Variants in MCFD2 observed in about 807,000 individuals in gnomAD.
MCFD2 encodes multiple coagulation factor deficiency 2, ER cargo receptor complex subunit, also known as multiple coagulation factor deficiency protein 2.
A neutral mutation model predicts 12.8 loss-of-function variants in MCFD2; 11 were observed. That is an observed-to-expected ratio of 0.86 (90% CI 0.54 to 1.42). The LOEUF (loss-of-function observed/expected upper bound fraction) is 1.42. MCFD2 is among the 40% of genes most tolerant of loss of function. The probability of loss-of-function intolerance (pLI) is 0.00; values close to 1 mark genes in which losing one functional copy is unlikely to be tolerated. For missense variants in MCFD2, 191 were observed against 178.6 expected, an observed-to-expected ratio of 1.07 and a Z score of -0.40; for synonymous variants, 70 against 68.1, an observed-to-expected ratio of 1.03 and a Z score of -0.14.
At chr2:46,915,900 C>A (rs1161504195), upstream of MCFD2, 2 of 984,520 alleles carry the variant, frequency 2.0e-6, no homozygotes, top group African/African-American at 1.7e-5. Context: ...CTGGCGGCGG[C>A]GGGCTGTGAG....
At chr2:46,933,428 C>G (rs1669814291) in intron 1 of MCFD2, among the ~76,000 whole-genome samples, 1 of 152,198 alleles carries the variant, frequency 6.6e-6, no homozygotes, top group African/African-American at 2.4e-5. Context: ...ACAAAGAATT[C>G]ATGATTCTGA....
chr2:46,927,921 TCTCA>T (rs1367822517), intron 1 of MCFD2, among the ~76,000 whole-genome samples: 1 of 110,932 alleles, frequency 9.0e-6, no homozygotes, highest in Non-Finnish European at 1.7e-5. Flanking sequence ...TGAGACAGGG[TCTCA>T]CTCTGTCACC....
At chr2:46,906,697 A>AGGTT in intron 3 of MCFD2, among the ~76,000 whole-genome samples, 1 of 151,908 alleles carries the variant, frequency 6.6e-6, no homozygotes, top group South Asian at 2.1e-4. Flanking sequence ...CATGCTGCCC[A>AGGTT]GGTTGGTCTT....
At chr2:46,936,854 T>G (rs2103861536) in intron 1 of MCFD2, among the ~76,000 whole-genome samples, 1 of 149,204 alleles carries the variant, frequency 6.7e-6, no homozygotes, top group South Asian at 2.1e-4. Context: ...GAAACAGGAT[T>G]CCAAATTTTT....
chr2:46,913,019 G>T (rs1415272221), intron 1 of MCFD2, among the ~76,000 whole-genome samples: 1 of 152,122 alleles, frequency 6.6e-6, no homozygotes, highest in African/African-American at 2.4e-5. Flanking sequence ...GTGTGTGTTG[G>T]GGGTGGGGGA....
chr2:46,911,682 G>A (rs981458870), intron 1 of MCFD2, among the ~76,000 whole-genome samples: 2 of 151,994 alleles, frequency 1.3e-5, no homozygotes, highest in African/African-American at 4.8e-5. Context: ...AGCACTTTGG[G>A]AGGCCGAGGC....
intron 1 of MCFD2, among the ~76,000 whole-genome samples, chr2:46,936,501 A>G (rs1669985300): frequency 6.6e-6 from 1 of 152,154 alleles, no homozygotes; most frequent in Admixed American, 6.5e-5. Flanking sequence ...ACAGTTGGAA[A>G]AGGTCTAGCT....
chr2:46,939,065 T>C (rs559327636), intron 1 of MCFD2, among the ~76,000 whole-genome samples: 1 of 149,598 alleles, frequency 6.7e-6, no homozygotes, highest in East Asian at 2.0e-4. Context: ...CGCTTGAAGC[T>C]GGGAGTTTAA....
intron 1 of MCFD2, among the ~76,000 whole-genome samples, chr2:46,928,664 G>A (rs1669531605): frequency 6.6e-6 from 1 of 151,990 alleles, no homozygotes; most frequent in African/African-American, 2.4e-5. Flanking sequence ...CAGCTGTTTG[G>A]GAGACTGAGG....
chr2:46,916,244 G>T, upstream of MCFD2: 1 of 869,424 alleles, frequency 1.2e-6, no homozygotes, highest in Non-Finnish European at 1.4e-6. Context: ...ATTCCTTCTT[G>T]ATGAAACGAC....
intron 1 of MCFD2, among the ~76,000 whole-genome samples, chr2:46,938,852 A>C (rs1670108640): frequency 6.7e-6 from 1 of 149,266 alleles, no homozygotes; most frequent in South Asian, 2.1e-4. Flanking sequence ...CTCTACTAAA[A>C]ATACAAAAAT....
rs1322883135 is a variant in MCFD2, at chr2:46,905,583, T to C, written c.321A>G (p.Glu107=). The change falls in exon 4 of 4, where the codon GAA becomes GAG. Residue 107 remains glutamate (E), a synonymous_variant. Transcript: ENST00000319466. ...CATCTTCACTCATTAGTGGTGCCTG[T>C]TCACTCCCTTCCTACAAAATACAAA... The part of the protein sequence containing the change: ...ITHVHKEEGS[E]QAPLMSEDEL... The C allele has an allele frequency of 7.4e-6, 12 of 1,613,626 alleles. No individual in the cohort carries two copies. The highest frequency in any genetic ancestry group is 8.5e-6 in the Non-Finnish European group (10 of 1,179,818).
At chr2:46,930,155 A>T (rs560111513) in intron 1 of MCFD2, among the ~76,000 whole-genome samples, 11 of 152,352 alleles carry the variant, frequency 7.2e-5, no homozygotes, top group Admixed American at 2.6e-4. Context: ...TAAATGAAAT[A>T]ATAAAGATAA....
rs919121295 is a variant in MCFD2 at position 46,904,871 on chromosome 2, G to A, written c.*592C>T. The A allele has an allele frequency of 1.1e-5, 2 of 178,152 alleles. No individual in the cohort carries two copies. Among genetic ancestry groups the A allele is most frequent in the Non-Finnish European group, 2.4e-5 (2 of 83,326 alleles). 11.0% of individuals were successfully genotyped at this position (178,152 alleles called of 1,614,324 possible). A position where few individuals can be genotyped will look rare whatever the true frequency, so the allele number is the denominator to read the frequency against. ...GATTTGGAGGGGCCAGGGGTAGAAT[G>A]ATATGGTTTGGCTATGTCCCCACCC... is the stretch of plus-strand genomic sequence containing the variant. On this transcript the variant is annotated 3_prime_UTR_variant, in exon 4 of 4. Transcript: ENST00000319466.
rs1265368865 is a variant in MCFD2 at position 46,902,733 on chromosome 2, A to C, written c.*2730T>G. Reference sequence around the variant, plus strand: ...TTATGCTGTGGCTTTGAAATAGCCTAATAAATATCCACTTGCCCAGAGCAA... The same window carrying C: ...TTATGCTGTGGCTTTGAAATAGCCTCATAAATATCCACTTGCCCAGAGCAA... On this transcript the variant is annotated 3_prime_UTR_variant, in exon 4 of 4. Coordinates refer to ENST00000319466, the MANE Select transcript of MCFD2 (RefSeq NM_139279.6). The C allele has an allele frequency of 6.6e-6, 1 of 152,328 alleles. No individual in the cohort carries two copies. Among genetic ancestry groups the C allele is most frequent in the Non-Finnish European group, 1.5e-5 (1 of 68,040 alleles). 9.4% of individuals were successfully genotyped at this position (152,328 alleles called of 1,614,324 possible).
chr2:46,915,610 G>A (rs963078147), intron 1 of MCFD2, 113 bp downstream of exon 1: 4 of 246,702 alleles, frequency 1.6e-5, no homozygotes, highest in African/African-American at 2.3e-5. Flanking sequence ...CGGCCTGGGG[G>A]CCCAGCCCGC....
At chr2:46,917,254 T>G (rs907092980), upstream of MCFD2, 4 of 699,098 alleles carry the variant, frequency 5.7e-6, no homozygotes, top group Non-Finnish European at 7.8e-6. Context: ...CACCTCCGCC[T>G]CCCAAAGTGC....
Position 46,940,927 on chromosome 2 carries a change from G to A in MCFD2, c.-8+645C>T, listed in dbSNP as rs896058757. Among the ~76,000 whole-genome samples the A allele has an allele frequency of 6.6e-6, 1 of 152,116 alleles. No individual in the cohort carries two copies. The highest frequency in any genetic ancestry group is 2.4e-5 in the African/African-American group (1 of 41,446). Reference sequence around the variant, plus strand: ...GGCCACCACACAAAGCCAGGTCGTCGGGCAGTGGTCTCCCAGGCTAAGAGC... The same window carrying A: ...GGCCACCACACAAAGCCAGGTCGTCAGGCAGTGGTCTCCCAGGCTAAGAGC... On this transcript the variant is annotated intron_variant, in intron 1 of 2. Coordinates refer to the MCFD2 transcript ENST00000409147. This position sits in a 1 kb window ranked among gnomAD's most constrained non-coding sequence, Gnocchi z 4.7.
At chr2:46,929,504 G>T (rs147863168) in intron 1 of MCFD2, among the ~76,000 whole-genome samples, 9 of 152,110 alleles carry the variant, frequency 5.9e-5, no homozygotes, top group East Asian at 3.9e-4. Flanking sequence ...AATAAATAAA[G>T]AAATAAATAG....
Sources: gnomAD v4.1 joint callset for allele counts (sites outside exome capture counted in the v4.1 genomes callset) on GRCh38, gnomAD v4.1.1 for gene constraint, Gnocchi (gnomAD v3.1) non-coding constraint, MANE v1.5 for transcripts, NCBI Gene and HGNC (gene_info 2026-07-23, HGNC 2026-07-21) for gene names.